MALT1: variants seen among roughly 807,000 people sequenced by gnomAD.
MALT1 encodes MALT1 paracaspase, also known as mucosa-associated lymphoid tissue lymphoma translocation protein 1.
MALT1 carries 36 observed loss-of-function variants against 85.5 expected under a neutral mutation model. The observed-to-expected ratio is 0.42, with a 90% CI of 0.32 to 0.56. The LOEUF (loss-of-function observed/expected upper bound fraction) is 0.56, where lower values mean the gene tolerates loss of function less well. MALT1 is among the 20% of genes least tolerant of loss of function. MALT1 has a pLI of 0.10. For missense variants in MALT1, 716 were observed against 981.6 expected, an observed-to-expected ratio of 0.73 and a Z score of 3.62; for synonymous variants, 359 against 361.3, an observed-to-expected ratio of 0.99 and a Z score of 0.07.
At chr18:58,715,884 C>G in intron 8 of MALT1, 51 bp from the exon 9 acceptor site, 1 of 1,265,604 alleles carries the variant, frequency 7.9e-7, no homozygotes, top group South Asian at 1.2e-5. Flanking sequence ...ATCTTTAACT[C>G]TGGAAATATA....
intron 13 of MALT1, among the ~76,000 whole-genome samples, chr18:58,740,625 T>C (rs984970726): frequency 9.9e-5 from 15 of 152,158 alleles, no homozygotes; most frequent in Admixed American, 3.9e-4. Flanking sequence ...GATCGAATAA[T>C]AGTCTGTCTA....
chr18:58,736,828 C>T (rs952223441), intron 13 of MALT1, among the ~76,000 whole-genome samples: 11 of 152,314 alleles, frequency 7.2e-5, no homozygotes, highest in East Asian at 3.9e-4. Context: ...TCGTGGGTAA[C>T]GGCCCACTCA....
At position 58,735,123 on chromosome 18, in the gene MALT1, T is replaced by C. The variant is rs961944288; in HGVS notation, c.1476-79T>C. 9 of 1,293,934 alleles carry C rather than the reference T, an allele frequency of 7.0e-6. No individual in the cohort carries two copies. In the African/African-American group the frequency reaches 1.2e-4, roughly 17 times the overall value. The allele number at this position is 1,293,934 out of a possible 1,614,324, so 80.2% of individuals were successfully genotyped here. A position where few individuals can be genotyped will look rare whatever the true frequency, so the allele number is the denominator to read the frequency against. ...CTGGGTGCTTCTCTGAGTTCATTTT[T>C]ATTAGCATCCACATATAAGTGAGAA... On this transcript the variant is annotated intron_variant, in intron 12 of 16. Transcript: ENST00000649217.
Position 58,749,383 on chromosome 18 carries a change from G to A in MALT1, c.*1541G>A, listed in dbSNP as rs1477844427. The stretch of plus-strand genomic sequence containing the variant: ...TGCCTGAGGCACCCCCCTAACAGGT[G>A]TCAGAGCTGAAATTCAAACCCCATC... On this transcript the variant is annotated 3_prime_UTR_variant, in exon 17 of 17. Transcript: ENST00000649217. 1.4e-5 allele frequency: 3 copies of A among 216,618 alleles called. No homozygotes were observed. Among genetic ancestry groups the A allele is most frequent in the South Asian group, 1.9e-4 (1 of 5,404 alleles). 13.4% of individuals were successfully genotyped at this position (216,618 alleles called of 1,614,324 possible).
chr18:58,717,746 C>CA (rs35207196), intron 9 of MALT1, among the ~76,000 whole-genome samples: 12,464 of 100,452 alleles, frequency 0.12, 728 homozygotes, highest in Middle Eastern at 0.19. Flanking sequence ...ACTCTTGTCT[C>CA]AAAAAAAAAA....
intron 10 of MALT1, among the ~76,000 whole-genome samples, chr18:58,726,440 T>C (rs770967748): frequency 6.6e-6 from 1 of 152,146 alleles, no homozygotes; most frequent in East Asian, 1.9e-4. Flanking sequence ...GGGGACTCAG[T>C]GCTTGAGGGC....
chr18:58,726,553 C>T (rs75137921), intron 10 of MALT1, among the ~76,000 whole-genome samples: 8,114 of 152,066 alleles, frequency 0.053, 347 homozygotes, highest in East Asian at 0.22. Context: ...TTATATTGCA[C>T]GCAGGTTTGT....
intron 2 of MALT1, among the ~76,000 whole-genome samples, chr18:58,686,216 G>A (rs8083664): frequency 0.17 from 26,117 of 152,106 alleles, 2,626 homozygotes; most frequent in African/African-American, 0.27. Context: ...TAGTAGCGAC[G>A]AGGTTTCACC....
chr18:58,696,337 ATTTTTT>A (rs574285957), intron 2 of MALT1, 23 bp from the exon 3 acceptor site: 58 of 990,530 alleles, frequency 5.9e-5, no homozygotes, highest in East Asian at 1.2e-4. Flanking sequence ...TGTGACTTTA[ATTTTTT>A]TTTTTTTTTT....
At chr18:58,679,709 C>G (rs948821608) in intron 1 of MALT1, among the ~76,000 whole-genome samples, 1 of 152,056 alleles carries the variant, frequency 6.6e-6, no homozygotes, top group Non-Finnish European at 1.5e-5. Context: ...CACCACACAC[C>G]GGCTAACTTT....
At chr18:58,733,982 T>A in intron 11 of MALT1, 1 of 1,163,620 alleles carries the variant, frequency 8.6e-7, no homozygotes, top group African/African-American at 1.6e-5. Flanking sequence ...TGTTTGGAGG[T>A]TTGGATCCCA....
chr18:58,690,136 A>G (rs1218400101), intron 2 of MALT1, among the ~76,000 whole-genome samples: 2 of 152,210 alleles, frequency 1.3e-5, no homozygotes, highest in Non-Finnish European at 2.9e-5. Flanking sequence ...CCATTTTTCC[A>G]ATAGCATGTG....
intron 10 of MALT1, among the ~76,000 whole-genome samples, chr18:58,726,719 G>C (rs892825154): frequency 1.6e-4 from 24 of 152,216 alleles, no homozygotes; most frequent in Non-Finnish European, 1.5e-5. Flanking sequence ...TAGTTATGTT[G>C]TATAGATGGC....
At chr18:58,736,953 CA>C (rs964833240) in intron 13 of MALT1, among the ~76,000 whole-genome samples, 1 of 152,172 alleles carries the variant, frequency 6.6e-6, no homozygotes, top group African/African-American at 2.4e-5. Context: ...TAGTAAAGAG[CA>C]AAAGTAGTTG....
rs1167228353 is a variant in MALT1 at position 58,750,967 on chromosome 18, T to C, written c.*3125T>C. On this transcript the variant is annotated 3_prime_UTR_variant, in exon 17 of 17. Transcript: ENST00000649217. ...TGGGAGAAAAATTTTTGAAAAATCATGTATCTGATAAAAAAACAAACAAAC... is the reference window on the plus strand; with the variant it reads ...TGGGAGAAAAATTTTTGAAAAATCACGTATCTGATAAAAAAACAAACAAAC... 2 of 152,206 alleles carry C rather than the reference T, an allele frequency of 1.3e-5. No homozygotes were observed. The highest frequency in any genetic ancestry group is 6.5e-5 in the Admixed American group (1 of 15,272). The allele number at this position is 152,206 out of a possible 1,614,324, so 9.4% of individuals were successfully genotyped here.
chr18:58,709,609 G>T, intron 5 of MALT1, 53 bp downstream of exon 5: 2 of 1,396,616 alleles, frequency 1.4e-6, no homozygotes, highest in South Asian at 2.8e-5. Flanking sequence ...AAAACAAATG[G>T]TACAATTGAA....
At chr18:58,691,405 C>T (rs1273461627) in intron 2 of MALT1, 8 of 533,072 alleles carry the variant, frequency 1.5e-5, no homozygotes, top group Middle Eastern at 5.9e-4. Context: ...ACCAAGATCT[C>T]GGAGCAGCCC....
At position 58,717,618 on chromosome 18, in the gene MALT1, C is replaced by T. The variant is rs576905180; in HGVS notation, c.1018+1651C>T. On this transcript the variant is annotated intron_variant, in intron 9 of 16. Coordinates refer to ENST00000649217, the MANE Select transcript of MALT1 (RefSeq NM_006785.4). ...AAGATAGGCTGGGTGTGGTGGTACA[C>T]GCCTGTAATCCCAGCTACTCGGGAA... 2.0e-3 allele frequency among the ~76,000 whole-genome samples: 300 copies of T among 151,160 alleles called. 2 individuals carry two copies. The highest frequency in any genetic ancestry group is 7.1e-3 in the African/African-American group (292 of 41,176).
At chr18:58,716,655 T>G (rs2054904325) in intron 9 of MALT1, among the ~76,000 whole-genome samples, 1 of 152,126 alleles carries the variant, frequency 6.6e-6, no homozygotes, top group Non-Finnish European at 1.5e-5. Flanking sequence ...ATGTATAAAA[T>G]AGTGGAAAAA....
Sources: allele counts gnomAD v4.1 joint callset (sites outside exome capture counted in the v4.1 genomes callset), GRCh38; gene constraint gnomAD v4.1.1; transcripts MANE v1.5; gene names NCBI Gene and HGNC (gene_info 2026-07-23, HGNC 2026-07-21).